ATF7IP2: variants seen among roughly 807,000 people sequenced by gnomAD.
ATF7IP2 encodes the protein activating transcription factor 7 interacting protein 2, also known as activating transcription factor 7-interacting protein 2.
In ATF7IP2, 42 loss-of-function variants were observed where a neutral mutation model predicts 64.2. The observed-to-expected ratio is 0.65, with a 90% CI of 0.51 to 0.85. The LOEUF (loss-of-function observed/expected upper bound fraction) is 0.85. ATF7IP2 is among the 40% of genes least tolerant of loss of function. ATF7IP2 has a pLI of 0.00. For synonymous variants in ATF7IP2, 308 were observed against 272.8 expected (o/e 1.13, Z -1.27); for missense variants, 933 against 784.2 (o/e 1.19, Z -2.27).
intron 1 of ATF7IP2, among the ~76,000 whole-genome samples, chr16:10,399,730 A>G (rs2047490490): frequency 6.6e-6 from 1 of 152,200 alleles, no homozygotes. Context: ...GAAGAATGAC[A>G]TTGGTATTTT....
chr16:10,386,778 A>C (rs2047211638), intron 1 of ATF7IP2: 1 of 152,174 alleles, frequency 6.6e-6, no homozygotes, highest in Non-Finnish European at 1.5e-5. Flanking sequence ...TTTTTAAGAA[A>C]ATTCCATCTT....
At chr16:10,455,620 AGAG>A (rs1299125498) in intron 8 of ATF7IP2, among the ~76,000 whole-genome samples, 1 of 152,200 alleles carries the variant, frequency 6.6e-6, no homozygotes, top group Non-Finnish European at 1.5e-5. Context: ...CATAGAGACT[AGAG>A]GAGTTTTGAG....
At chr16:10,410,725 A>G (rs555705695) in intron 1 of ATF7IP2, among the ~76,000 whole-genome samples, 3 of 152,292 alleles carry the variant, frequency 2.0e-5, no homozygotes, top group Admixed American at 1.3e-4. Context: ...CGCCTGGCCT[A>G]TGTTGGCAAT....
At chr16:10,392,055 T>C (rs1214958329) in intron 1 of ATF7IP2, among the ~76,000 whole-genome samples, 1 of 78,750 alleles carries the variant, frequency 1.3e-5, no homozygotes, top group Non-Finnish European at 2.3e-5. Flanking sequence ...GGTTGTATTA[T>C]CTTTTTTTTT....
chr16:10,420,346 C>T lies in ATF7IP2; in HGVS notation c.-160+723C>T, dbSNP rs150146855. ...CATGAACATAAGCTAGTCTCCCAAA[C>T]GAGGGAACATGGGTGACATCCATTT... On this transcript the variant is annotated intron_variant, in intron 3 of 13. Transcript: ENST00000562102. Among the ~76,000 whole-genome samples the T allele has an allele frequency of 1.3e-3, 198 of 152,234 alleles. 1 individual carries two copies. Among genetic ancestry groups the T allele is most frequent in the Non-Finnish European group, 2.5e-3 (169 of 68,010 alleles).
At chr16:10,425,576 C>T (rs73497820) in intron 3 of ATF7IP2, among the ~76,000 whole-genome samples, 3,046 of 151,972 alleles carry the variant, frequency 0.02, 94 homozygotes, top group African/African-American at 0.069. Flanking sequence ...TTATGTATTA[C>T]AGGAAACATA....
At chr16:10,462,919 A>G (rs1288932870) in intron 9 of ATF7IP2, among the ~76,000 whole-genome samples, 1 of 152,056 alleles carries the variant, frequency 6.6e-6, no homozygotes, top group Non-Finnish European at 1.5e-5. Context: ...CAGCTTATTA[A>G]TCCTTTCTTT....
intron 1 of ATF7IP2, among the ~76,000 whole-genome samples, chr16:10,398,122 G>A (rs1253913143): frequency 6.6e-6 from 1 of 151,856 alleles, no homozygotes; most frequent in Non-Finnish European, 1.5e-5. Context: ...TGGCCAAGAT[G>A]GCGAAACCCC....
At chr16:10,475,600 G>A (rs542810596) in intron 12 of ATF7IP2, among the ~76,000 whole-genome samples, 9 of 151,610 alleles carry the variant, frequency 5.9e-5, no homozygotes, top group Admixed American at 5.3e-4. Flanking sequence ...GGCTGAGGCA[G>A]GAGAATGGCG....
intron 1 of ATF7IP2, among the ~76,000 whole-genome samples, chr16:10,393,169 G>T (rs900013708): frequency 6.6e-6 from 1 of 151,908 alleles, no homozygotes; most frequent in African/African-American, 2.4e-5. Flanking sequence ...CATTAGCTGG[G>T]CATGGTGGTG....
chr16:10,429,194 T>G (rs1171713234), intron 4 of ATF7IP2, among the ~76,000 whole-genome samples, 178 bp downstream of exon 4: 1 of 152,198 alleles, frequency 6.6e-6, no homozygotes, highest in African/African-American at 2.4e-5. Context: ...ATTTGTTCAT[T>G]TTCTTTGGAA....
intron 1 of ATF7IP2, among the ~76,000 whole-genome samples, chr16:10,395,430 A>C (rs1450069143): frequency 1.3e-5 from 2 of 152,172 alleles, no homozygotes; most frequent in Admixed American, 1.3e-4. Context: ...AACATTTCTG[A>C]AATAATTCTG....
At chr16:10,396,828 A>AAT (rs1555504239) in intron 1 of ATF7IP2, among the ~76,000 whole-genome samples, 4 of 148,268 alleles carry the variant, frequency 2.7e-5, no homozygotes, top group East Asian at 2.0e-4. Context: ...TAAAAAAAAA[A>AAT]TTTTTTTTTT....
In ATF7IP2 at chr16:10,429,739, AT is replaced by A. The variant is rs1399901694; in HGVS notation, c.-11+727del. Among the ~76,000 whole-genome samples the A allele has an allele frequency of 7.5e-4, 105 of 140,454 alleles. 1 individual carries two copies. Among genetic ancestry groups the A allele is most frequent in the Admixed American group, 7.3e-3 (105 of 14,290 alleles). 92.1% of individuals were successfully genotyped at this position (140,454 alleles called of 152,430 possible). A position where few individuals can be genotyped will look rare whatever the true frequency, so the allele number is the denominator to read the frequency against. On this transcript the variant is annotated intron_variant, in intron 4 of 13. Transcript: ENST00000562102. ...TATTTTATTTTATTTTATTTATTTT[AT>A]TTTATTTATTTTATTTTATTATTTT...
intron 9 of ATF7IP2, among the ~76,000 whole-genome samples, chr16:10,464,783 T>C (rs990781665): frequency 2.6e-5 from 4 of 152,202 alleles, no homozygotes; most frequent in Non-Finnish European, 5.9e-5. Context: ...AAGTTACTAC[T>C]ATTTTGCATG....
chr16:10,437,972 C>G, intron 6 of ATF7IP2, 129 bp from the exon 7 acceptor site: 1 of 632,654 alleles, frequency 1.6e-6, no homozygotes, highest in Admixed American at 4.2e-5. Context: ...TATAAACATA[C>G]AAATATAAAT....
chr16:10,474,360 A>G (rs1196869180), intron 12 of ATF7IP2, among the ~76,000 whole-genome samples: 1 of 152,156 alleles, frequency 6.6e-6, no homozygotes, highest in Non-Finnish European at 1.5e-5. Context: ...CTTTATTGCC[A>G]AGAGTAGCCC....
At chr16:10,443,363 G>A (rs536898296) in intron 8 of ATF7IP2, among the ~76,000 whole-genome samples, 6 of 152,292 alleles carry the variant, frequency 3.9e-5, no homozygotes, top group African/African-American at 1.2e-4. Context: ...AGCAGAGAGA[G>A]AGCTTGGCAT....
intron 9 of ATF7IP2, among the ~76,000 whole-genome samples, chr16:10,463,777 GATACA>G (rs1480480655): frequency 1.3e-5 from 2 of 152,310 alleles, no homozygotes; most frequent in African/African-American, 2.4e-5. Flanking sequence ...TGGCAATAGA[GATACA>G]ATACAATATT....
Sources: allele counts gnomAD v4.1 joint callset (sites outside exome capture counted in the v4.1 genomes callset), GRCh38; gene constraint gnomAD v4.1.1; transcripts MANE v1.5; gene names NCBI Gene and HGNC (gene_info 2026-07-23, HGNC 2026-07-21).